OR10A2: variants seen among roughly 807,000 people sequenced by gnomAD.
OR10A2 encodes olfactory receptor family 10 subfamily A member 2.
A neutral mutation model predicts 13.7 loss-of-function variants in OR10A2; 15 were observed. The observed-to-expected ratio is 1.10, with a 90% CI of 0.73 to 1.69. OR10A2 has a LOEUF of 1.69. Ranked by LOEUF, OR10A2 falls within the 40% of genes most tolerant of loss-of-function variation. The probability of loss-of-function intolerance (pLI) is 0.00; values close to 1 mark genes in which losing one functional copy is unlikely to be tolerated. For missense variants in OR10A2, 343 were observed against 361.1 expected (o/e 0.95, Z 0.41); for synonymous variants, 145 against 144.7 (o/e 1.00, Z -0.02).
chr11:6,869,520 T>A (rs11041068), intron 1 of OR10A2, 103 bp from the exon 2 acceptor site: 23,099 of 548,158 alleles, frequency 0.042, 4,052 homozygotes, highest in African/African-American at 0.38. Flanking sequence ...TTCAGGCCCA[T>A]CTCAGAGATT....
intron 1 of OR10A2, among the ~76,000 whole-genome samples, chr11:6,865,126 A>T: frequency 7.6e-6 from 1 of 132,046 alleles, no homozygotes; most frequent in Non-Finnish European, 1.7e-5. Context: ...TTTTCATATA[A>T]TTACAAAATT....
Position 6,869,737 on chromosome 11 carries a change from A to C in OR10A2, c.-18A>C. 1.2e-6 allele frequency: 2 copies of C among 1,607,538 alleles called. No homozygotes were observed. Among genetic ancestry groups the C allele is most frequent in the Non-Finnish European group, 1.7e-6 (2 of 1,174,800 alleles). On this transcript the variant is annotated 5_prime_UTR_variant, in exon 2 of 2. Transcript: ENST00000641461. ...TATAGCTACAGGAAACTGGACAAGA[A>C]TAAGTGAGTTTATCCTCATGAGCTT...
rs1848466321 is a variant in OR10A2 at position 6,874,507 on chromosome 11, C to T, written c.*3841C>T. 8.8e-6 allele frequency: 1 copy of T among 114,160 alleles called. No individual in the cohort carries two copies. Among genetic ancestry groups the T allele is most frequent in the Non-Finnish European group, 2.2e-5 (1 of 46,026 alleles). 7.1% of individuals were successfully genotyped at this position (114,160 alleles called of 1,614,324 possible). On this transcript the variant is annotated 3_prime_UTR_variant, in exon 2 of 2. Coordinates refer to ENST00000641461, the MANE Select transcript of OR10A2 (RefSeq NM_001004460.2). Reference sequence around the variant, plus strand: ...CCTGTACTGGATACTGGCTTGTCCTCACCTGTGGGCTCAGATTTATTCCCA... The same window carrying T: ...CCTGTACTGGATACTGGCTTGTCCTTACCTGTGGGCTCAGATTTATTCCCA...
chr11:6,872,346 T>C lies in OR10A2; in HGVS notation c.*1680T>C, dbSNP rs1213084009. The C allele has an allele frequency of 2.6e-5, 4 of 152,204 alleles. No individual in the cohort carries two copies. Among genetic ancestry groups the C allele is most frequent in the African/African-American group, 7.2e-5 (3 of 41,456 alleles). The allele number at this position is 152,204 out of a possible 1,614,324, so 9.4% of individuals were successfully genotyped here. On this transcript the variant is annotated 3_prime_UTR_variant, in exon 2 of 2. Coordinates refer to ENST00000641461, the MANE Select transcript of OR10A2 (RefSeq NM_001004460.2). ...AAATCACTCTTTCTGTATGCACCCA[T>C]TTCAAGTTTATTAATAAATACATTA...
intron 1 of OR10A2, among the ~76,000 whole-genome samples, chr11:6,863,651 C>T (rs982338205): frequency 6.6e-6 from 1 of 152,114 alleles, no homozygotes; most frequent in African/African-American, 2.4e-5. Context: ...CTACAACCTT[C>T]ACAGGACATA....
Position 6,874,285 on chromosome 11 carries a change from G to A in OR10A2, c.*3619G>A, listed in dbSNP as rs1040031178. Reference sequence around the variant, plus strand: ...AATTTACTGGGCATCTACCTTTCTAGGCATTGGGGTAAAAAAATGAATAAC... The same window carrying A: ...AATTTACTGGGCATCTACCTTTCTAAGCATTGGGGTAAAAAAATGAATAAC... On this transcript the variant is annotated 3_prime_UTR_variant, in exon 2 of 2. Transcript: ENST00000641461. The A allele has an allele frequency of 2.6e-5, 4 of 152,034 alleles. No individual in the cohort carries two copies. Among genetic ancestry groups the A allele is most frequent in the South Asian group, 4.1e-4 (2 of 4,820 alleles). 9.4% of individuals were successfully genotyped at this position (152,034 alleles called of 1,614,324 possible). A position where few individuals can be genotyped will look rare whatever the true frequency, so the allele number is the denominator to read the frequency against.
Position 6,863,284 on chromosome 11 carries a change from T to C in OR10A2, c.-200T>C, listed in dbSNP as rs2133066553. On this transcript the variant is annotated 5_prime_UTR_variant, in exon 1 of 2. The change abolishes an upstream ATG in the 5' untranslated region. Coordinates refer to ENST00000641461, the MANE Select transcript of OR10A2 (RefSeq NM_001004460.2). ...AAATAGAGCTGTTATATTACATGCA[T>C]GAAGGACATGCATGAAGCATGGATG... 6.6e-6 allele frequency: 1 copy of C among 150,560 alleles called. No homozygotes were observed. The highest frequency in any genetic ancestry group is 2.1e-4 in the South Asian group (1 of 4,766). The allele number at this position is 150,560 out of a possible 1,614,324, so 9.3% of individuals were successfully genotyped here.
chr11:6,864,867 T>C (rs1010526200), intron 1 of OR10A2, among the ~76,000 whole-genome samples: 3 of 150,130 alleles, frequency 2.0e-5, no homozygotes, highest in African/African-American at 7.3e-5. Context: ...AATTTTTCTG[T>C]TTTAAGTTCA....
Position 6,874,213 on chromosome 11 carries a change from GATTAT to G in OR10A2, c.*3548_*3552del, listed in dbSNP as rs1832564834. The G allele has an allele frequency of 6.6e-6, 1 of 151,794 alleles. No individual in the cohort carries two copies. The highest frequency in any genetic ancestry group is 2.1e-4 in the South Asian group (1 of 4,796). 9.4% of individuals were successfully genotyped at this position (151,794 alleles called of 1,614,324 possible). A position where few individuals can be genotyped will look rare whatever the true frequency, so the allele number is the denominator to read the frequency against. ...TTTGTGTCTGTGTAGATGTTTCCCT[GATTAT>G]TTACCACATTTTCTTCATTATCTAT... On this transcript the variant is annotated 3_prime_UTR_variant, in exon 2 of 2. Transcript: ENST00000641461.
In OR10A2 at chr11:6,869,656, G is replaced by C; in HGVS notation, c.-99G>C. On this transcript the variant is annotated 5_prime_UTR_variant, in exon 2 of 2. The change abolishes the stop of an existing upstream ORF in the 5' untranslated region. Transcript: ENST00000641461. Reference sequence around the variant, plus strand: ...AGTCTGAAAAACAAATTGAGAATCTGACTTCCAATCAATAATCTTTCTCCA... The same window carrying C: ...AGTCTGAAAAACAAATTGAGAATCTCACTTCCAATCAATAATCTTTCTCCA... 3.8e-6 allele frequency: 4 copies of C among 1,060,370 alleles called. No individual in the cohort carries two copies. The highest frequency in any genetic ancestry group is 1.5e-5 in the South Asian group (1 of 67,734). 65.7% of individuals were successfully genotyped at this position (1,060,370 alleles called of 1,614,324 possible). A position where few individuals can be genotyped will look rare whatever the true frequency, so the allele number is the denominator to read the frequency against.
intron 1 of OR10A2, among the ~76,000 whole-genome samples, chr11:6,863,844 C>A (rs1003533760): frequency 6.6e-6 from 1 of 152,168 alleles, no homozygotes; most frequent in Non-Finnish European, 1.5e-5. Flanking sequence ...AGGGATGTTC[C>A]TAGGGAAGTT....
Position 6,870,447 on chromosome 11 carries a change from C to T in OR10A2, c.693C>T (p.His231=). 3 of 1,614,186 alleles carry T rather than the reference C, an allele frequency of 1.9e-6. No individual in the cohort carries two copies. The highest frequency in any genetic ancestry group is 1.1e-5 in the South Asian group (1 of 91,086). ...KNKAFSTCSS[H]LLVVSLFYIS... ...AAGCCTTTTCTACATGTTCCTCACACCTCCTTGTTGTCTCTCTTTTCTATA... is the reference window on the plus strand; with the variant it reads ...AAGCCTTTTCTACATGTTCCTCACATCTCCTTGTTGTCTCTCTTTTCTATA... The change falls in exon 2 of 2, where the codon CAC becomes CAT. Residue 231 remains histidine, a synonymous_variant. Coordinates refer to ENST00000641461, the MANE Select transcript of OR10A2 (RefSeq NM_001004460.2).
At chr11:6,865,754 G>C (rs1848374679) in intron 1 of OR10A2, among the ~76,000 whole-genome samples, 1 of 152,122 alleles carries the variant, frequency 6.6e-6, no homozygotes, top group African/African-American at 2.4e-5. Context: ...AGTTTTTTAT[G>C]TGAGTAAATA....
Position 6,869,666 on chromosome 11 carries a change from C to A in OR10A2, c.-89C>A. 1 of 1,122,926 alleles carries A rather than the reference C, an allele frequency of 8.9e-7. No homozygotes were observed. The highest frequency in any genetic ancestry group is 1.4e-5 in the South Asian group (1 of 69,870). The allele number at this position is 1,122,926 out of a possible 1,614,324, so 69.6% of individuals were successfully genotyped here. A position where few individuals can be genotyped will look rare whatever the true frequency, so the allele number is the denominator to read the frequency against. ...ACAAATTGAGAATCTGACTTCCAAT[C>A]AATAATCTTTCTCCATGACCACAGT... On this transcript the variant is annotated 5_prime_UTR_variant, in exon 2 of 2. Coordinates refer to ENST00000641461, the MANE Select transcript of OR10A2 (RefSeq NM_001004460.2).
chr11:6,871,618 T>A lies in OR10A2; in HGVS notation c.*952T>A, dbSNP rs1312649680. On this transcript the variant is annotated 3_prime_UTR_variant, in exon 2 of 2. Coordinates refer to ENST00000641461, the MANE Select transcript of OR10A2 (RefSeq NM_001004460.2). The stretch of plus-strand genomic sequence containing the variant: ...AAAAACAACCTGAGCTTCCCTAAGA[T>A]CTCTATTCCATATTCAGGTTCTTAT... 4 of 152,186 alleles carry A rather than the reference T, an allele frequency of 2.6e-5. No individual in the cohort carries two copies. Among genetic ancestry groups the A allele is most frequent in the Non-Finnish European group, 5.9e-5 (4 of 68,026 alleles). The allele number at this position is 152,186 out of a possible 1,614,324, so 9.4% of individuals were successfully genotyped here. A position where few individuals can be genotyped will look rare whatever the true frequency, so the allele number is the denominator to read the frequency against.
chr11:6,863,547 A>T (rs2741772), intron 1 of OR10A2, among the ~76,000 whole-genome samples, 196 bp downstream of exon 1: 120,274 of 151,584 alleles, frequency 0.79, 48,191 homozygotes, highest in Middle Eastern at 0.91. Context: ...TGTCATAAGA[A>T]AAGTGAGATC....
At chr11:6,865,979 G>A (rs954579839) in intron 1 of OR10A2, among the ~76,000 whole-genome samples, 6 of 151,976 alleles carry the variant, frequency 3.9e-5, no homozygotes, top group African/African-American at 1.5e-4. Flanking sequence ...CTATAATTTT[G>A]TCATTACAGA....
chr11:6,870,639 C>T lies in OR10A2; in HGVS notation c.885C>T (p.Ala295=), dbSNP rs777779870. The change falls in exon 2 of 2, where the codon GCC becomes GCT. Residue 295 remains alanine (A), a synonymous_variant. Transcript: ENST00000641461. ...CCCTCAGCAGGACGGTCTCTAAGGC[C>T]CTAGCCCTCAGAAACTGTATCCCAT... The part of the protein sequence containing the change: ...KNALSRTVSK[A]LALRNCIP 1 of 1,593,010 alleles carries T rather than the reference C, an allele frequency of 6.3e-7. No individual in the cohort carries two copies. The highest frequency in any genetic ancestry group is 1.1e-5 in the South Asian group (1 of 87,546).
chr11:6,863,996 T>A (rs1848361309), intron 1 of OR10A2, among the ~76,000 whole-genome samples: 1 of 152,182 alleles, frequency 6.6e-6, no homozygotes, highest in African/African-American at 2.4e-5. Flanking sequence ...AAGCTATCAT[T>A]AGTGTTAGTG....
Sources: gnomAD v4.1 joint callset for allele counts (sites outside exome capture counted in the v4.1 genomes callset) on GRCh38, gnomAD v4.1.1 for gene constraint, MANE v1.5 for transcripts, NCBI Gene and HGNC (gene_info 2026-07-23, HGNC 2026-07-21) for gene names.